Variants in GRM7 observed in about 807,000 individuals in gnomAD.
The protein encoded by GRM7 is metabotropic glutamate receptor 7.
In GRM7, 35 loss-of-function variants were observed where a neutral mutation model predicts 84.5. That is an observed-to-expected ratio of 0.41 (90% CI 0.32 to 0.55). GRM7 has a LOEUF of 0.55. Ranked by LOEUF, GRM7 falls within the 20% of genes least tolerant of loss-of-function variation. The pLI is 0.19. For synonymous variants in GRM7, 487 were observed against 455.1 expected (o/e 1.07, Z -0.89); for missense variants, 1,003 against 1,194.6 (o/e 0.84, Z 2.36).
At chr3:7,495,199 T>C (rs1440088354) in intron 7 of GRM7, among the ~76,000 whole-genome samples, 2 of 152,130 alleles carry the variant, frequency 1.3e-5, no homozygotes, top group African/African-American at 4.8e-5. Flanking sequence ...GGTTTGTTTA[T>C]AAGTTGCTGC....
At chr3:7,314,283 T>C (rs1395220473) in intron 4 of GRM7, among the ~76,000 whole-genome samples, 2 of 152,194 alleles carry the variant, frequency 1.3e-5, no homozygotes, top group African/African-American at 4.8e-5. Context: ...CCCTAAGTTA[T>C]CGTATCCACA....
intron 6 of GRM7, 55 bp from the exon 7 acceptor site, chr3:7,461,528 G>C: frequency 7.0e-7 from 1 of 1,423,220 alleles, no homozygotes; most frequent in South Asian, 1.2e-5. Flanking sequence ...TAGTACAAGA[G>C]ATATAAGGAA....
At chr3:7,657,269 G>A (rs1295220519) in intron 8 of GRM7, among the ~76,000 whole-genome samples, 1 of 152,034 alleles carries the variant, frequency 6.6e-6, no homozygotes, top group African/African-American at 2.4e-5. Context: ...TCTAAATTGG[G>A]GAAAAATAAA....
At chr3:7,125,857 G>T (rs1004341357) in intron 1 of GRM7, among the ~76,000 whole-genome samples, 1 of 152,170 alleles carries the variant, frequency 6.6e-6, no homozygotes, top group Admixed American at 6.5e-5. Flanking sequence ...TCTCAGGGCA[G>T]TGAACCAGCT....
intron 9 of GRM7, among the ~76,000 whole-genome samples, chr3:7,707,170 C>T (rs1436763762): frequency 1.3e-5 from 2 of 152,108 alleles, no homozygotes; most frequent in African/African-American, 4.8e-5. Context: ...AGATAGAAAA[C>T]GGCTTTCTCT....
chr3:7,510,909 C>G (rs968029849), intron 7 of GRM7, among the ~76,000 whole-genome samples: 1 of 152,180 alleles, frequency 6.6e-6, no homozygotes, highest in Non-Finnish European at 1.5e-5. Flanking sequence ...TGACTGAGAA[C>G]GCACATCAGA....
At chr3:7,271,555 C>T (rs1424606630) in intron 2 of GRM7, among the ~76,000 whole-genome samples, 10 of 105,488 alleles carry the variant, frequency 9.5e-5, no homozygotes, top group African/African-American at 3.5e-4. Context: ...TGAGAGACCG[C>T]CTCAAATAAA....
intron 1 of GRM7, among the ~76,000 whole-genome samples, chr3:6,952,377 C>T (rs1331236026): frequency 1.3e-5 from 2 of 152,180 alleles, no homozygotes; most frequent in Non-Finnish European, 2.9e-5. Flanking sequence ...ATGCATGCAC[C>T]AAACAGCACT....
In GRM7 at chr3:7,489,294, C is replaced by T. The variant is rs543281077; in HGVS notation, c.1515+27572C>T. On this transcript the variant is annotated intron_variant, in intron 7 of 9. Transcript: ENST00000357716. ...AAATGTTATCCCTTTCTTCTCCTTC[C>T]GTTTCCTCCCCCTCCACTGATATCA... Among the ~76,000 whole-genome samples, 120 of 152,130 alleles carry T rather than the reference C, an allele frequency of 7.9e-4. 1 individual carries two copies. Among genetic ancestry groups the T allele is most frequent in the Non-Finnish European group, 1.5e-3 (99 of 67,972 alleles).
chr3:7,577,015 C>A (rs2125051230), intron 7 of GRM7, among the ~76,000 whole-genome samples: 1 of 152,300 alleles, frequency 6.6e-6, no homozygotes, highest in Middle Eastern at 3.4e-3. Context: ...TGGCTTCTTT[C>A]TCTAATAAAT....
At chr3:7,654,161 G>T (rs1458016710) in intron 8 of GRM7, among the ~76,000 whole-genome samples, 1 of 152,130 alleles carries the variant, frequency 6.6e-6, no homozygotes, top group Non-Finnish European at 1.5e-5. Flanking sequence ...CTTATGGCAA[G>T]CCCCTTCAAA....
chr3:7,536,779 G>A (rs76337329), intron 7 of GRM7, among the ~76,000 whole-genome samples: 1,690 of 152,278 alleles, frequency 0.011, 19 homozygotes, highest in African/African-American at 0.035. Context: ...CAACATTCAT[G>A]TGACTGTAGC....
At chr3:7,252,684 T>TTATTTTCTTTTTTTCTTTTCTTTTTTTC (rs6147696) in intron 2 of GRM7, among the ~76,000 whole-genome samples, 1 of 118,236 alleles carries the variant, frequency 8.5e-6, no homozygotes, top group Non-Finnish European at 1.7e-5. Flanking sequence ...TTCTTTTCTT[T>TTATTTTCTTTTTTTCTTTTCTTTTTTTC]TTTTCTTTTC....
intron 2 of GRM7, among the ~76,000 whole-genome samples, chr3:7,270,617 C>T (rs747065659): frequency 2.6e-5 from 4 of 152,190 alleles, no homozygotes; most frequent in African/African-American, 7.2e-5. Flanking sequence ...TACATATTCT[C>T]ATCCTCAAAG....
chr3:7,679,105 A>T (rs1002128332), intron 8 of GRM7, among the ~76,000 whole-genome samples: 1 of 152,218 alleles, frequency 6.6e-6, no homozygotes, highest in Non-Finnish European at 1.5e-5. Flanking sequence ...TCAGTAAAGA[A>T]GCTGGCCTAG....
chr3:7,359,223 TGTGTG>T (rs1693554396), intron 4 of GRM7, among the ~76,000 whole-genome samples: 1 of 57,340 alleles, frequency 1.7e-5, no homozygotes, highest in African/African-American at 5.2e-5. Flanking sequence ...TTTGTGTTTG[TGTGTG>T]TGTGTGTGTG....
intron 9 of GRM7, among the ~76,000 whole-genome samples, chr3:7,689,170 T>G (rs1700700312): frequency 6.6e-6 from 1 of 152,224 alleles, no homozygotes; most frequent in South Asian, 2.1e-4. Flanking sequence ...GAAAAAACTT[T>G]GAGAGTATAA....
chr3:6,894,393 T>C (rs965286600), intron 1 of GRM7, among the ~76,000 whole-genome samples: 11 of 152,150 alleles, frequency 7.2e-5, no homozygotes, highest in African/African-American at 2.7e-4. Context: ...ATCCCACTTC[T>C]AGCTAATGAA....
chr3:7,327,494 T>C (rs1701033435), intron 4 of GRM7, among the ~76,000 whole-genome samples: 1 of 152,220 alleles, frequency 6.6e-6, no homozygotes, highest in Admixed American at 6.5e-5. Context: ...TAAACTCCAG[T>C]TAACATATTC....
Sources: allele counts gnomAD v4.1 joint callset (sites outside exome capture counted in the v4.1 genomes callset), GRCh38; gene constraint gnomAD v4.1.1; transcripts MANE v1.5; gene names NCBI Gene and HGNC (gene_info 2026-07-23, HGNC 2026-07-21).